The following GFI1B variants were observed in gnomAD, a reference collection of about 807,000 sequenced individuals.
GFI1B encodes zinc finger protein Gfi-1b.
Under a neutral mutation model 35.3 loss-of-function variants are expected in GFI1B, and 20 were observed. That is an observed-to-expected ratio of 0.57 (90% CI 0.40 to 0.82). The LOEUF (loss-of-function observed/expected upper bound fraction) is 0.82, where lower values mean the gene tolerates loss of function less well. Among genes scored for constraint, GFI1B ranks in the 40% least tolerant of loss-of-function variants. The probability of loss-of-function intolerance (pLI) is 0.00; values close to 1 mark genes in which losing one functional copy is unlikely to be tolerated. For synonymous variants in GFI1B, 178 were observed against 177.6 expected (o/e 1.00, Z -0.02); for missense variants, 430 against 446.3 (o/e 0.96, Z 0.33).
intron 1 of GFI1B, among the ~76,000 whole-genome samples, chr9:132,980,490 A>G: frequency 6.6e-6 from 1 of 152,226 alleles, no homozygotes; most frequent in East Asian, 1.9e-4. Flanking sequence ...AGTTTCATTC[A>G]CTCACTTGTC....
intron 1 of GFI1B, among the ~76,000 whole-genome samples, chr9:132,966,179 T>C (rs1010748357): frequency 6.6e-6 from 1 of 152,010 alleles, no homozygotes; most frequent in African/African-American, 2.4e-5. Flanking sequence ...GGAAACATAG[T>C]GAGACCCCAT....
At chr9:132,958,222 T>C (rs1564523816) in intron 1 of GFI1B, among the ~76,000 whole-genome samples, 1 of 152,124 alleles carries the variant, frequency 6.6e-6, no homozygotes, top group Non-Finnish European at 1.5e-5. Context: ...GGAATGGTGA[T>C]GACAGCCTGG....
In GFI1B at chr9:132,989,589, A is replaced by G; in HGVS notation, c.649-153A>G. On this transcript the variant is annotated intron_variant, in intron 5 of 6. Coordinates refer to ENST00000372122, the MANE Select transcript of GFI1B (RefSeq NM_001377304.1). The surrounding 1 kb of genome is among the most constrained non-coding windows in gnomAD (Gnocchi z 6.2). Reference sequence around the variant, plus strand: ...CCCACAGGAGACCAATGAGACTCCAAGCCCCAGTTTCACCTCAGAGGCAGA... The same window carrying G: ...CCCACAGGAGACCAATGAGACTCCAGGCCCCAGTTTCACCTCAGAGGCAGA... 1 of 622,652 alleles carries G rather than the reference A, an allele frequency of 1.6e-6. No homozygotes were observed. The highest frequency in any genetic ancestry group is 2.8e-6 in the Non-Finnish European group (1 of 351,182). 38.6% of individuals were successfully genotyped at this position (622,652 alleles called of 1,614,324 possible).
chr9:132,957,236 T>C (rs539694014), intron 1 of GFI1B, among the ~76,000 whole-genome samples: 5 of 152,346 alleles, frequency 3.3e-5, no homozygotes, highest in Admixed American at 3.3e-4. Context: ...GTGCATGGCT[T>C]GGAAAACACC....
At chr9:132,959,679 T>A (rs1848336503) in intron 1 of GFI1B, among the ~76,000 whole-genome samples, 1 of 152,160 alleles carries the variant, frequency 6.6e-6, no homozygotes, top group African/African-American at 2.4e-5. Context: ...AAACCCAAGG[T>A]GTCAGTCAGC....
At chr9:132,969,173 C>G (rs183523033) in intron 1 of GFI1B, among the ~76,000 whole-genome samples, 1 of 152,016 alleles carries the variant, frequency 6.6e-6, no homozygotes, top group Non-Finnish European at 1.5e-5. Context: ...GGACTACAGG[C>G]GCGCACCACC....
chr9:132,984,634 C>T (rs528944850), intron 1 of GFI1B, among the ~76,000 whole-genome samples: 10 of 152,318 alleles, frequency 6.6e-5, no homozygotes, highest in East Asian at 1.9e-4. Flanking sequence ...CTCTCACACT[C>T]GCTCCTGATG....
intron 1 of GFI1B, among the ~76,000 whole-genome samples, chr9:132,969,544 A>G (rs1293208983): frequency 6.6e-6 from 1 of 152,206 alleles, no homozygotes; most frequent in Non-Finnish European, 1.5e-5. Flanking sequence ...TGTCACAGAC[A>G]CTTGGGTTGC....
chr9:132,991,898 A>G (rs1318515726), downstream of GFI1B, among the ~76,000 whole-genome samples: 4 of 152,058 alleles, frequency 2.6e-5, no homozygotes, highest in Non-Finnish European at 5.9e-5. Context: ...ACAAGACCAC[A>G]GGGGTGGGCA....
At chr9:132,978,165 AAG>A (rs374788032), upstream of GFI1B, among the ~76,000 whole-genome samples, 10 of 148,492 alleles carry the variant, frequency 6.7e-5, no homozygotes, top group Admixed American at 1.3e-4. Flanking sequence ...GAAAGGAGGG[AAG>A]AGAGAGAGAG....
intron 1 of GFI1B, among the ~76,000 whole-genome samples, chr9:132,949,326 C>G (rs1330748109): frequency 6.7e-6 from 1 of 148,504 alleles, no homozygotes; most frequent in Non-Finnish European, 1.5e-5. Flanking sequence ...CCCACAGATA[C>G]ACACACACAC....
chr9:132,987,153 C>T (rs1849098299), intron 2 of GFI1B, 129 bp from the exon 3 acceptor site: 1 of 1,043,942 alleles, frequency 9.6e-7, no homozygotes, highest in South Asian at 1.4e-5. Flanking sequence ...GGAGTGTGAG[C>T]CGCCAGAAGC....
intron 6 of GFI1B, 118 bp downstream of exon 6, chr9:132,990,025 G>A (rs533153661): frequency 1.2e-6 from 1 of 864,004 alleles, no homozygotes; most frequent in South Asian, 1.5e-5. Context: ...AAAGTCAAAG[G>A]CCACTGCTGA....
intron 2 of GFI1B, among the ~76,000 whole-genome samples, chr9:132,973,129 C>T (rs1365943239): frequency 6.6e-6 from 1 of 152,230 alleles, no homozygotes; most frequent in East Asian, 1.9e-4. Flanking sequence ...GGTCCATTGT[C>T]CCATTCCCAG....
chr9:132,952,956 A>G (rs928766789), intron 1 of GFI1B: 1 of 152,180 alleles, frequency 6.6e-6, no homozygotes, highest in African/African-American at 2.4e-5. Flanking sequence ...GACAAGCACA[A>G]CTTGATCATG....
rs73660589 is a variant in GFI1B at position 132,988,664 on chromosome 9, A to G, written c.510+196A>G. 9.8e-3 allele frequency among the ~76,000 whole-genome samples: 1,491 copies of G among 152,314 alleles called. 26 individuals are homozygous for G. The highest frequency in any genetic ancestry group is 0.034 in the African/African-American group (1,412 of 41,560). ...GCCCTGTGCTAAGCAATTGACAGGC[A>G]TGAGTGCCAGAGTCAGATGAAAGGT... On this transcript the variant is annotated intron_variant, in intron 4 of 6. Coordinates refer to ENST00000372122, the MANE Select transcript of GFI1B (RefSeq NM_001377304.1).
intron 1 of GFI1B, chr9:132,949,761 A>G (rs1221784164): frequency 3.3e-5 from 5 of 152,630 alleles, no homozygotes; most frequent in Admixed American, 3.3e-4. Context: ...ACAGAGAGGA[A>G]GGAGAGCTGC....
At chr9:132,948,365 C>T (rs545992514) in intron 1 of GFI1B, among the ~76,000 whole-genome samples, 7 of 152,274 alleles carry the variant, frequency 4.6e-5, no homozygotes, top group East Asian at 1.9e-4. Flanking sequence ...CCTGCATTTC[C>T]GGAGTCCCTG....
intron 1 of GFI1B, chr9:132,947,200 TCTG>T (rs1848125739): frequency 2.6e-5 from 4 of 152,080 alleles, no homozygotes; most frequent in Admixed American, 2.6e-4. Flanking sequence ...GTGGAGGACA[TCTG>T]CTGCATTTGG....
Sources: allele counts gnomAD v4.1 joint callset (sites outside exome capture counted in the v4.1 genomes callset), GRCh38; gene constraint gnomAD v4.1.1; non-coding constraint Gnocchi (gnomAD v3.1); transcripts MANE v1.5; gene names NCBI Gene and HGNC (gene_info 2026-07-23, HGNC 2026-07-21).